The following RBFOX1 variants were observed in gnomAD, a reference collection of about 807,000 sequenced individuals.
RBFOX1 encodes the protein RNA binding fox-1 homolog 1.
In RBFOX1, 8 loss-of-function variants were observed where a neutral mutation model predicts 57.7. The ratio of observed to expected loss-of-function variants is 0.14; its 90% confidence interval spans 0.08 to 0.25. RBFOX1 has a LOEUF of 0.25. Among genes scored for constraint, RBFOX1 ranks in the 10% least tolerant of loss-of-function variants. The pLI is 1.00. For synonymous variants in RBFOX1, 326 were observed against 222.4 expected (o/e 1.47, Z -4.15); for missense variants, 611 against 548.5 (o/e 1.11, Z -1.14).
chr16:7,410,616 G>T (rs1021059574), intron 4 of RBFOX1, among the ~76,000 whole-genome samples: 1 of 152,210 alleles, frequency 6.6e-6, no homozygotes, highest in Non-Finnish European at 1.5e-5. Context: ...GGCAGAGGTT[G>T]CAGTGAGCCA....
intron 3 of RBFOX1, among the ~76,000 whole-genome samples, chr16:6,970,750 A>G (rs2085353825): frequency 6.6e-6 from 1 of 152,242 alleles, no homozygotes; most frequent in South Asian, 2.1e-4. Flanking sequence ...GGGGACATAT[A>G]CATTCAGACC....
chr16:6,915,187 C>T lies in RBFOX1; in HGVS notation c.-15-136870C>T, dbSNP rs574595282. On this transcript the variant is annotated intron_variant, in intron 3 of 15. Coordinates refer to ENST00000550418, the MANE Select transcript of RBFOX1 (RefSeq NM_018723.4). ...ACTGGGGCTGAGCTGCTGCTTTCCC[C>T]AGGCTCCCGGAGACCCACTCCCTTG... Among the ~76,000 whole-genome samples the T allele has an allele frequency of 9.8e-5, 15 of 152,308 alleles. No homozygotes were observed. The South Asian group carries it at 2.3e-3, about 23-fold the overall frequency.
chr16:6,969,166 G>T (rs576756791), intron 3 of RBFOX1, among the ~76,000 whole-genome samples: 2 of 152,004 alleles, frequency 1.3e-5, no homozygotes, highest in African/African-American at 4.8e-5. Flanking sequence ...CCCCAAAATA[G>T]GTAACTTAAC....
At chr16:5,916,196 C>CAA (rs5815272) in intron 4 of RBFOX1, among the ~76,000 whole-genome samples, 6 of 151,864 alleles carry the variant, frequency 4.0e-5, no homozygotes, top group Admixed American at 2.0e-4. Context: ...GACACTCTAG[C>CAA]AAAAAAACCC....
At chr16:6,270,623 A>G (rs928542544) in intron 1 of RBFOX1, among the ~76,000 whole-genome samples, 1 of 152,196 alleles carries the variant, frequency 6.6e-6, no homozygotes, top group Non-Finnish European at 1.5e-5. Context: ...ATGGAAGAAT[A>G]TCACAATTAT....
intron 2 of RBFOX1, among the ~76,000 whole-genome samples, chr16:6,376,240 G>A (rs1407644464): frequency 1.3e-5 from 2 of 152,148 alleles, no homozygotes; most frequent in Admixed American, 6.5e-5. Flanking sequence ...TCCTGCTTAT[G>A]TCCTATAGCC....
At chr16:7,210,789 A>G (rs117055500) in intron 4 of RBFOX1, among the ~76,000 whole-genome samples, 5,007 of 152,228 alleles carry the variant, frequency 0.033, 118 homozygotes, top group South Asian at 0.091. Flanking sequence ...ACAGGGCTGA[A>G]AAGTACATCT....
intron 4 of RBFOX1, among the ~76,000 whole-genome samples, chr16:7,215,066 C>T (rs1245322210): frequency 6.6e-6 from 1 of 152,074 alleles, no homozygotes; most frequent in African/African-American, 2.4e-5. Context: ...TGTCTCCACC[C>T]CCCGCGGACA....
chr16:6,848,111 G>A (rs968928403), intron 3 of RBFOX1, among the ~76,000 whole-genome samples: 2 of 152,012 alleles, frequency 1.3e-5, no homozygotes, highest in African/African-American at 4.8e-5. Context: ...GGATTTGCAG[G>A]TGTGAGTCAT....
intron 1 of RBFOX1, among the ~76,000 whole-genome samples, chr16:5,410,097 C>T (rs377170460): frequency 6.6e-6 from 1 of 150,698 alleles, no homozygotes; most frequent in Admixed American, 6.6e-5. Flanking sequence ...GGAAAGGTGG[C>T]TCATGCCTGT....
At chr16:6,094,645 C>T (rs1210252352) in intron 1 of RBFOX1, among the ~76,000 whole-genome samples, 1 of 152,184 alleles carries the variant, frequency 6.6e-6, no homozygotes, top group African/African-American at 2.4e-5. Flanking sequence ...CCAAGTTCTC[C>T]AGTGCTGGGA....
At chr16:5,741,230 C>G (rs185598791) in intron 3 of RBFOX1, among the ~76,000 whole-genome samples, 262 of 152,238 alleles carry the variant, frequency 1.7e-3, no homozygotes, top group African/African-American at 6.1e-3. Context: ...CCACGTCATT[C>G]CAAACCACCA....
intron 3 of RBFOX1, among the ~76,000 whole-genome samples, chr16:6,900,520 G>A (rs1013256077): frequency 6.6e-6 from 1 of 152,152 alleles, no homozygotes; most frequent in East Asian, 1.9e-4. Flanking sequence ...GTCTGGCCCT[G>A]CCCTTCTCTC....
intron 2 of RBFOX1, among the ~76,000 whole-genome samples, chr16:6,610,554 T>C (rs1332298502): frequency 6.6e-6 from 1 of 152,150 alleles, no homozygotes; most frequent in Non-Finnish European, 1.5e-5. Context: ...GCTCTCAAAA[T>C]CCTGGTCTCA....
chr16:6,422,750 G>C (rs1255780785), intron 2 of RBFOX1, among the ~76,000 whole-genome samples: 1 of 152,094 alleles, frequency 6.6e-6, no homozygotes, highest in Non-Finnish European at 1.5e-5. Flanking sequence ...CAAGGGGATG[G>C]TGCCAAATCA....
At chr16:5,250,882 G>A (rs1190981188) in intron 1 of RBFOX1, among the ~76,000 whole-genome samples, 2 of 152,172 alleles carry the variant, frequency 1.3e-5, no homozygotes, top group Non-Finnish European at 2.9e-5. Context: ...TCTGTGAGAT[G>A]TTCCTGGAGG....
intron 4 of RBFOX1, among the ~76,000 whole-genome samples, chr16:7,248,583 A>G (rs1451928908): frequency 6.6e-6 from 1 of 152,230 alleles, no homozygotes; most frequent in Non-Finnish European, 1.5e-5. Context: ...CCTTCCTTCC[A>G]GAACTAGGCA....
At chr16:7,002,236 G>A (rs967158477) in intron 3 of RBFOX1, among the ~76,000 whole-genome samples, 21 of 152,156 alleles carry the variant, frequency 1.4e-4, no homozygotes, top group African/African-American at 4.6e-4. Flanking sequence ...TTGAGGCCCT[G>A]GATACAGCGG....
intron 3 of RBFOX1, among the ~76,000 whole-genome samples, chr16:6,971,725 G>A (rs2085594286): frequency 6.6e-6 from 1 of 152,128 alleles, no homozygotes; most frequent in African/African-American, 2.4e-5. Context: ...ACCTGTGGGA[G>A]TGTGGACGGA....
Sources: allele counts gnomAD v4.1 joint callset (sites outside exome capture counted in the v4.1 genomes callset), GRCh38; gene constraint gnomAD v4.1.1; transcripts MANE v1.5; gene names NCBI Gene and HGNC (gene_info 2026-07-23, HGNC 2026-07-21).